Variants in SFI1 observed in about 807,000 individuals in gnomAD.
SFI1 encodes the protein protein SFI1 homolog.
A neutral mutation model predicts 207.5 loss-of-function variants in SFI1; 195 were observed. The ratio of observed to expected loss-of-function variants is 0.94; its 90% confidence interval spans 0.84 to 1.06. The LOEUF (loss-of-function observed/expected upper bound fraction) is 1.06, where lower values mean the gene tolerates loss of function less well. Ranked by LOEUF, SFI1 falls within the 50% of genes least tolerant of loss-of-function variation. The pLI, the probability that SFI1 is intolerant of heterozygous loss-of-function variation, is 0.00. For synonymous variants in SFI1, 630 were observed against 598.9 expected (o/e 1.05, Z -0.76); for missense variants, 1,634 against 1,588.0 (o/e 1.03, Z -0.49).
In SFI1 at chr22:31,508,319, G is replaced by T; in HGVS notation, c.35G>T (p.Ser12Ile). 1 of 1,613,378 alleles carries T rather than the reference G, an allele frequency of 6.2e-7. No homozygotes were observed. Among genetic ancestry groups the T allele is most frequent in the Admixed American group, 1.7e-5 (1 of 59,940 alleles). The change falls in exon 2 of 33, where the codon AGC becomes ATC. Residue 12 changes from serine to isoleucine, a missense_variant. Physicochemically the swap from Ser to Ile is moderately radical, Grantham distance 142. Transcript: ENST00000400288. ...KNLLTEKCISSHNFHQKVIKQ... is the reference protein window; with the variant it reads ...KNLLTEKCISIHNFHQKVIKQ... ...CTGCTCACTGAGAAGTGTATATCAAGCCACAATTTCCATCAAAAAGTGATT... is the reference window on the plus strand; with the variant it reads ...CTGCTCACTGAGAAGTGTATATCAATCCACAATTTCCATCAAAAAGTGATT...
chr22:31,544,557 A>G (rs2059898667), intron 4 of SFI1, among the ~76,000 whole-genome samples: 1 of 152,134 alleles, frequency 6.6e-6, no homozygotes. Flanking sequence ...GTTCAAGACT[A>G]GCTAGGGTAA....
rs1462991996 is a variant in SFI1 at position 31,573,273 on chromosome 22, G to T, written c.922+59G>T. 9 of 1,578,674 alleles carry T rather than the reference G, an allele frequency of 5.7e-6. No individual in the cohort carries two copies. In the Admixed American group the frequency reaches 1.4e-4, roughly 24 times the overall value. ...GATCTGGTCACAGTTTCACTCTCCT[G>T]CTGCCAGTGGTACTGTACTAAGAAG... On this transcript the variant is annotated intron_variant, in intron 9 of 32. Coordinates refer to ENST00000400288, the MANE Select transcript of SFI1 (RefSeq NM_001007467.3).
In SFI1 at chr22:31,508,272, A is replaced by G; in HGVS notation, c.-13A>G. ...TCTTGTAGTTAGAAGGGGAAGATAA[A>G]AGACTTTGATTCATGAAGAATCTGC... On this transcript the variant is annotated 5_prime_UTR_variant, in exon 2 of 33. Coordinates refer to ENST00000400288, the MANE Select transcript of SFI1 (RefSeq NM_001007467.3). 2 of 1,584,938 alleles carry G rather than the reference A, an allele frequency of 1.3e-6. No individual in the cohort carries two copies. Among genetic ancestry groups the G allele is most frequent in the South Asian group, 1.1e-5 (1 of 90,294 alleles).
At position 31,533,070 on chromosome 22, in the gene SFI1, A is replaced by G. The variant is rs2058672459; in HGVS notation, c.338+1941A>G. On this transcript the variant is annotated intron_variant, in intron 4 of 32. Transcript: ENST00000400288. Reference sequence around the variant, plus strand: ...GTGGAGTTTTTGGCCCTCAGGCATCAAAAGTCCCTCTCGGGCTCCTTCACA... The same window carrying G: ...GTGGAGTTTTTGGCCCTCAGGCATCGAAAGTCCCTCTCGGGCTCCTTCACA... Among the ~76,000 whole-genome samples, 3 of 152,328 alleles carry G rather than the reference A, an allele frequency of 2.0e-5. No homozygotes were observed. In the South Asian group the frequency reaches 6.2e-4, roughly 32 times the overall value.
At chr22:31,505,683 G>T (rs2054525615) in intron 1 of SFI1, among the ~76,000 whole-genome samples, 1 of 151,642 alleles carries the variant, frequency 6.6e-6, no homozygotes, top group African/African-American at 2.4e-5. Flanking sequence ...TCAGGAGTTT[G>T]AGACCAGCCT....
intron 4 of SFI1, among the ~76,000 whole-genome samples, chr22:31,538,082 C>T (rs1372356948): frequency 6.6e-6 from 1 of 152,006 alleles, no homozygotes; most frequent in Non-Finnish European, 1.5e-5. Context: ...AGCAATTCTC[C>T]TGCCTCAGCC....
At chr22:31,505,171 G>A (rs2054426305) in intron 1 of SFI1, among the ~76,000 whole-genome samples, 1 of 152,146 alleles carries the variant, frequency 6.6e-6, no homozygotes, top group Non-Finnish European at 1.5e-5. Flanking sequence ...AGGCACAGTG[G>A]CTCACGCCTA....
chr22:31,618,093 AGTG>A lies in SFI1; in HGVS notation c.3513-20_3513-18del. On this transcript the variant is annotated intron_variant, in intron 31 of 32. Coordinates refer to ENST00000400288, the MANE Select transcript of SFI1 (RefSeq NM_001007467.3). ...CTGCCAAGGACCCAGCCTGGCAGGC[AGTG>A]GGTATCTCCACCCCTCAGGTCCTGT... 1 of 1,553,746 alleles carries A rather than the reference AGTG, an allele frequency of 6.4e-7. No individual in the cohort carries two copies. The highest frequency in any genetic ancestry group is 8.7e-7 in the Non-Finnish European group (1 of 1,149,194).
In SFI1 at chr22:31,613,317, A is replaced by C. The variant is rs1045005106; in HGVS notation, c.2566-37A>C. The C allele has an allele frequency of 1.9e-6, 3 of 1,603,308 alleles. No individual in the cohort carries two copies. The African/African-American group carries it at 4.0e-5, about 21-fold the overall frequency. Reference sequence around the variant, plus strand: ...CCTGGTCTGTGGGGGAGCTCTAAGCAGGGAGACCTGGGCCTCACCTCCTGC... The same window carrying C: ...CCTGGTCTGTGGGGGAGCTCTAAGCCGGGAGACCTGGGCCTCACCTCCTGC... On this transcript the variant is annotated intron_variant, in intron 25 of 32. Transcript: ENST00000400288.
intron 7 of SFI1, among the ~76,000 whole-genome samples, chr22:31,560,271 C>T (rs979609846): frequency 3.3e-5 from 5 of 150,668 alleles, no homozygotes; most frequent in Non-Finnish European, 1.5e-5. Context: ...AAAAAAAAAA[C>T]AAGACTGAAA....
intron 8 of SFI1, among the ~76,000 whole-genome samples, chr22:31,570,961 G>A (rs1236024739): frequency 6.6e-6 from 1 of 152,224 alleles, no homozygotes; most frequent in African/African-American, 2.4e-5. Flanking sequence ...TTTGGATTGA[G>A]CGATGTGGAG....
At chr22:31,580,949 C>T (rs1433753866) in intron 12 of SFI1, among the ~76,000 whole-genome samples, 1 of 152,104 alleles carries the variant, frequency 6.6e-6, no homozygotes, top group Non-Finnish European at 1.5e-5. Flanking sequence ...ACTCAAAGTT[C>T]AGGGACTGTG....
intron 12 of SFI1, among the ~76,000 whole-genome samples, chr22:31,582,998 A>C (rs1379898846): frequency 6.6e-6 from 1 of 152,176 alleles, no homozygotes; most frequent in South Asian, 2.1e-4. Flanking sequence ...ATTGTAGCTC[A>C]TCGTAGCCTC....
At chr22:31,593,223 C>T (rs1603270249) in intron 15 of SFI1, among the ~76,000 whole-genome samples, 1 of 151,174 alleles carries the variant, frequency 6.6e-6, no homozygotes, top group Non-Finnish European at 1.5e-5. Context: ...GGCGGAGGGG[C>T]TCCTCACTTC....
chr22:31,589,318 AAAT>A lies in SFI1; in HGVS notation c.1414-125_1414-123del, dbSNP rs1397977601. On this transcript the variant is annotated intron_variant, in intron 14 of 32. Transcript: ENST00000400288. ...CACCTAGCATATTGGCAAAGATAAT[AAAT>A]AATGATTCATCTTTTTCTCATTTTT... The A allele has an allele frequency of 2.0e-4, 200 of 994,924 alleles. No individual in the cohort carries two copies. The African/African-American group carries it at 3.1e-3, about 16-fold the overall frequency. 61.6% of individuals were successfully genotyped at this position (994,924 alleles called of 1,614,324 possible).
chr22:31,608,948 A>G (rs1360884766), intron 22 of SFI1, among the ~76,000 whole-genome samples: 1 of 151,966 alleles, frequency 6.6e-6, no homozygotes, highest in East Asian at 2.0e-4. Flanking sequence ...GGAGGCTGCA[A>G]TGAACTATGA....
intron 1 of SFI1, among the ~76,000 whole-genome samples, chr22:31,504,165 T>A (rs2054267489): frequency 6.6e-6 from 1 of 151,574 alleles, no homozygotes; most frequent in Non-Finnish European, 1.5e-5. Flanking sequence ...CAGAAGGGAG[T>A]CCTTGACCAT....
intron 2 of SFI1, among the ~76,000 whole-genome samples, chr22:31,528,459 AG>A (rs2058147504): frequency 2.0e-5 from 3 of 152,264 alleles, no homozygotes; most frequent in Non-Finnish European, 4.4e-5. Context: ...TAATGACTCC[AG>A]GGGGTGCCCT....
rs150406523 is a variant in SFI1, at chr22:31,605,965, C to G, written c.2055-363C>G. ...AGAACTCCCTGAGCTAACTCAGCAGCAAGCTGAGGCGTAGGCAACCTTCCT... is the reference window on the plus strand; with the variant it reads ...AGAACTCCCTGAGCTAACTCAGCAGGAAGCTGAGGCGTAGGCAACCTTCCT... On this transcript the variant is annotated intron_variant, in intron 20 of 32. Coordinates refer to ENST00000400288, the MANE Select transcript of SFI1 (RefSeq NM_001007467.3). 1,079 of 235,514 alleles carry G rather than the reference C, an allele frequency of 4.6e-3. 12 individuals are homozygous for G. Among genetic ancestry groups the G allele is most frequent in the African/African-American group, 0.022 (995 of 45,018 alleles). The allele number at this position is 235,514 out of a possible 1,614,324, so 14.6% of individuals were successfully genotyped here.
Sources: gnomAD v4.1 joint callset for allele counts (sites outside exome capture counted in the v4.1 genomes callset) on GRCh38, gnomAD v4.1.1 for gene constraint, MANE v1.5 for transcripts, NCBI Gene and HGNC (gene_info 2026-07-23, HGNC 2026-07-21) for gene names.